PRIMA1: variants seen among roughly 807,000 people sequenced by gnomAD.
The protein encoded by PRIMA1 is proline-rich membrane anchor 1.
PRIMA1 carries 7 observed loss-of-function variants against 17.5 expected under a neutral mutation model. The observed-to-expected ratio is 0.40, with a 90% CI of 0.23 to 0.75. The LOEUF is 0.75. PRIMA1 is among the 30% of genes least tolerant of loss of function. The probability of loss-of-function intolerance (pLI) is 0.37; values close to 1 mark genes in which losing one functional copy is unlikely to be tolerated. For missense variants in PRIMA1, 200 were observed against 201.8 expected (o/e 0.99, Z 0.05); for synonymous variants, 97 against 77.9 (o/e 1.25, Z -1.29).
rs1280827841 is a variant in PRIMA1, at chr14:93,787,692, G to A, written c.27C>T (p.Arg9=). The part of the protein sequence containing the change: MLLRDLVL[R]RGCCWSSLLL... ...GCAGCGAGGACCAGCAGCAGCCACG[G>A]CGCAGCACCAAGTCCCGGAGGAGCA... The change falls in exon 2 of 5, where the codon CGC becomes CGT. Residue 9 remains arginine (R), a synonymous_variant. Transcript: ENST00000393140. 6.5e-7 allele frequency: 1 copy of A among 1,544,484 alleles called. No individual in the cohort carries two copies. Among genetic ancestry groups the A allele is most frequent in the Non-Finnish European group, 8.7e-7 (1 of 1,146,738 alleles).
At chr14:93,770,518 C>T (rs78025828) in intron 3 of PRIMA1, among the ~76,000 whole-genome samples, 2,405 of 152,302 alleles carry the variant, frequency 0.016, 69 homozygotes, top group African/African-American at 0.055. Flanking sequence ...TGAGAAAGCT[C>T]TTCCCCCAGA....
chr14:93,731,843 T>C (rs899875413), intron 4 of PRIMA1, among the ~76,000 whole-genome samples: 8 of 152,116 alleles, frequency 5.3e-5, no homozygotes, highest in African/African-American at 1.9e-4. Flanking sequence ...TGCCAGTCAA[T>C]GGGTTTTCTA....
intron 1 of PRIMA1, 36 bp from the exon 2 acceptor site, chr14:93,787,785 C>G: frequency 1.3e-6 from 2 of 1,513,348 alleles, no homozygotes; most frequent in South Asian, 1.2e-5. Flanking sequence ...AGGCGGACAC[C>G]GCGCAGGCAC....
intron 4 of PRIMA1, among the ~76,000 whole-genome samples, chr14:93,734,943 C>G (rs914773174): frequency 2.6e-5 from 4 of 152,286 alleles, no homozygotes; most frequent in Admixed American, 2.6e-4. Context: ...GAGCCCCCAG[C>G]CCACCTGAGA....
intron 3 of PRIMA1, among the ~76,000 whole-genome samples, chr14:93,778,349 AAAGATCCTCCAGAAC>A (rs1297005890): frequency 3.3e-5 from 5 of 152,254 alleles, no homozygotes; most frequent in Non-Finnish European, 7.3e-5. Context: ...CACAAATTGC[AAAGATCCTCCAGAAC>A]ATTGCATCAC....
intron 2 of PRIMA1, among the ~76,000 whole-genome samples, chr14:93,781,480 G>A (rs1595227441): frequency 6.6e-6 from 1 of 152,240 alleles, no homozygotes; most frequent in Non-Finnish European, 1.5e-5. Flanking sequence ...CATTGCCAGT[G>A]TAATTATTTT....
intron 3 of PRIMA1, among the ~76,000 whole-genome samples, chr14:93,771,932 C>T (rs570071850): frequency 6.6e-6 from 1 of 152,276 alleles, no homozygotes; most frequent in South Asian, 2.1e-4. Flanking sequence ...ATCAGATAGC[C>T]TTGAATAACC....
intron 4 of PRIMA1, among the ~76,000 whole-genome samples, chr14:93,723,128 C>T (rs946048204): frequency 6.6e-6 from 1 of 152,096 alleles, no homozygotes; most frequent in African/African-American, 2.4e-5. Context: ...TCTGTATCCT[C>T]CTGGTCTAAG....
intron 3 of PRIMA1, among the ~76,000 whole-genome samples, chr14:93,738,467 C>CGGAT (rs1397821545): frequency 6.6e-6 from 1 of 152,172 alleles, no homozygotes; most frequent in South Asian, 2.1e-4. Context: ...AAGGGATGGA[C>CGGAT]GGATGGATGG....
rs1483451725 is a variant in PRIMA1, at chr14:93,787,532, G to A, written c.93+94C>T. 9.3e-6 allele frequency: 14 copies of A among 1,507,918 alleles called. No homozygotes were observed. In the Admixed American group the frequency reaches 2.4e-4, roughly 26 times the overall value. The allele number at this position is 1,507,918 out of a possible 1,614,324, so 93.4% of individuals were successfully genotyped here. On this transcript the variant is annotated intron_variant, in intron 2 of 4. Coordinates refer to ENST00000393140, the MANE Select transcript of PRIMA1 (RefSeq NM_178013.4). ...GCTCTTCCGAGAACCAATCAGTGGG[G>A]TGGCTGCAAGAGGCCAGGGTCTCAG...
At position 93,776,358 on chromosome 14, in the gene PRIMA1, C is replaced by T. The variant is rs546300977; in HGVS notation, c.229+2818G>A. Among the ~76,000 whole-genome samples the T allele has an allele frequency of 2.0e-5, 3 of 152,294 alleles. No homozygotes were observed. In the South Asian group the frequency reaches 6.2e-4, roughly 32 times the overall value. On this transcript the variant is annotated intron_variant, in intron 3 of 4. Transcript: ENST00000393140. The stretch of plus-strand genomic sequence containing the variant: ...AGCTCTCCTCTCTTACTCTCCTCTC[C>T]CAAGAAGCACCTTCAGTCCCAAAAC...
chr14:93,749,584 G>C (rs142245673), intron 3 of PRIMA1, among the ~76,000 whole-genome samples: 2 of 152,270 alleles, frequency 1.3e-5, no homozygotes, highest in African/African-American at 4.8e-5. Flanking sequence ...TTGACATGGA[G>C]AGCCAGTGTG....
intron 3 of PRIMA1, among the ~76,000 whole-genome samples, chr14:93,767,054 C>T (rs7141441): frequency 0.43 from 64,979 of 152,042 alleles, 15,410 homozygotes; most frequent in African/African-American, 0.65. Flanking sequence ...ACCAACCTCA[C>T]GTCGCCATGA....
At chr14:93,788,955 G>A (rs973051799), upstream of PRIMA1, among the ~76,000 whole-genome samples, 1 of 152,084 alleles carries the variant, frequency 6.6e-6, no homozygotes, top group East Asian at 1.9e-4. Flanking sequence ...CCCGCGAGAG[G>A]CAGCGGCGGG....
chr14:93,781,214 G>A (rs985978343), intron 2 of PRIMA1, among the ~76,000 whole-genome samples: 1 of 152,206 alleles, frequency 6.6e-6, no homozygotes, highest in African/African-American at 2.4e-5. Context: ...TCTCCCACTG[G>A]GAAGAGCATG....
intron 2 of PRIMA1, among the ~76,000 whole-genome samples, chr14:93,782,064 G>A (rs552124187): frequency 3.2e-4 from 48 of 152,258 alleles, no homozygotes; most frequent in African/African-American, 1.1e-3. Flanking sequence ...TCAGGAGATC[G>A]AGACCATCCT....
intron 4 of PRIMA1, among the ~76,000 whole-genome samples, chr14:93,723,561 AC>A (rs2076056410): frequency 6.6e-6 from 1 of 152,102 alleles, no homozygotes. Context: ...GTAGCTCAAA[AC>A]TTCTGCTAAG....
chr14:93,773,366 C>T (rs995582932), intron 3 of PRIMA1, among the ~76,000 whole-genome samples: 3 of 152,230 alleles, frequency 2.0e-5, no homozygotes, highest in African/African-American at 7.2e-5. Flanking sequence ...CTGTAGGGCA[C>T]AGGTTCTCAA....
chr14:93,731,374 A>G (rs1181064210), intron 4 of PRIMA1, among the ~76,000 whole-genome samples: 1 of 131,068 alleles, frequency 7.6e-6, no homozygotes, highest in Non-Finnish European at 1.7e-5. Flanking sequence ...TAACTGTTGA[A>G]AGTGGTTGCC....
Sources: gnomAD v4.1 joint callset for allele counts (sites outside exome capture counted in the v4.1 genomes callset) on GRCh38, gnomAD v4.1.1 for gene constraint, MANE v1.5 for transcripts, NCBI Gene and HGNC (gene_info 2026-07-23, HGNC 2026-07-21) for gene names.